The following ATP9A variants were observed in gnomAD, a reference collection of about 807,000 sequenced individuals.
ATP9A encodes the protein ATPase phospholipid transporting 9A, also known as probable phospholipid-transporting ATPase IIA.
Under a neutral mutation model 144.1 loss-of-function variants are expected in ATP9A, and 52 were observed. The observed-to-expected ratio is 0.36, with a 90% confidence interval of 0.29 to 0.45. The LOEUF (loss-of-function observed/expected upper bound fraction) is 0.45, where lower values mean the gene tolerates loss of function less well. ATP9A is among the 20% of genes least tolerant of loss of function. The pLI is 1.00. For missense variants in ATP9A, 947 were observed against 1,392.7 expected (o/e 0.68, Z 5.09); for synonymous variants, 582 against 557.4 (o/e 1.04, Z -0.62).
intron 26 of ATP9A, among the ~76,000 whole-genome samples, chr20:51,606,013 T>TA (rs1281190630): frequency 6.6e-6 from 1 of 152,126 alleles, no homozygotes; most frequent in Non-Finnish European, 1.5e-5. Context: ...CTTACGCCTG[T>TA]AATCCCAACA....
intron 14 of ATP9A, among the ~76,000 whole-genome samples, chr20:51,645,041 T>C (rs1298484105): frequency 6.6e-6 from 1 of 152,168 alleles, no homozygotes; most frequent in African/African-American, 2.4e-5. Flanking sequence ...AGTGGAAACG[T>C]TGAATAACTA....
intron 9 of ATP9A, among the ~76,000 whole-genome samples, chr20:51,676,826 G>C (rs1435442266): frequency 6.6e-6 from 1 of 151,626 alleles, no homozygotes; most frequent in Non-Finnish European, 1.5e-5. Context: ...ACGTTGGCCA[G>C]GCTGGTCTTG....
intron 15 of ATP9A, among the ~76,000 whole-genome samples, chr20:51,632,451 G>T (rs2077273718): frequency 6.6e-6 from 1 of 152,168 alleles, no homozygotes; most frequent in South Asian, 2.1e-4. Context: ...GAGCATTTGG[G>T]TTATATGAAC....
chr20:51,688,743 A>C lies in ATP9A; in HGVS notation c.799+321T>G, dbSNP rs772443364. Among the ~76,000 whole-genome samples the C allele has an allele frequency of 2.6e-5, 4 of 152,042 alleles. 1 individual carries two copies. Among genetic ancestry groups the C allele is most frequent in the South Asian group, 4.1e-4 (2 of 4,820 alleles). On this transcript the variant is annotated intron_variant, in intron 9 of 27. Transcript: ENST00000338821. ...CAGTCCCAGCGCGACATACCCTACAAACACAGCCTCCAGCCAGAACATCCA... is the reference window on the plus strand; with the variant it reads ...CAGTCCCAGCGCGACATACCCTACACACACAGCCTCCAGCCAGAACATCCA...
At chr20:51,757,945 C>A (rs2077863652) in intron 1 of ATP9A, among the ~76,000 whole-genome samples, 2 of 152,052 alleles carry the variant, frequency 1.3e-5, no homozygotes, top group African/African-American at 4.8e-5. Context: ...AACCAACTAT[C>A]CTATTTCTTT....
At chr20:51,677,386 C>T (rs1382640600) in intron 9 of ATP9A, among the ~76,000 whole-genome samples, 2 of 152,310 alleles carry the variant, frequency 1.3e-5, no homozygotes, top group East Asian at 3.9e-4. Flanking sequence ...CTCCCTAGCC[C>T]TGTTTCATGG....
chr20:51,763,586 T>C (rs1021178921), intron 1 of ATP9A, among the ~76,000 whole-genome samples: 19 of 152,200 alleles, frequency 1.2e-4, no homozygotes, highest in Non-Finnish European at 1.9e-4. Context: ...GTGCTGGGAT[T>C]ACAGGAATGA....
At chr20:51,693,958 CCTG>C (rs2077559394) in intron 7 of ATP9A, 47 bp downstream of exon 7, 1 of 1,523,380 alleles carries the variant, frequency 6.6e-7, no homozygotes, top group African/African-American at 1.4e-5. Flanking sequence ...GTTTGAGAAC[CCTG>C]CTAAGATAGG....
intron 18 of ATP9A, 80 bp downstream of exon 18, chr20:51,625,112 C>T (rs2077242634): frequency 7.1e-7 from 1 of 1,417,582 alleles, no homozygotes; most frequent in Admixed American, 1.9e-5. Context: ...CCCACCCTTT[C>T]CCCCTGTGAT....
intron 9 of ATP9A, among the ~76,000 whole-genome samples, chr20:51,682,478 C>T (rs1239086403): frequency 6.6e-6 from 1 of 150,662 alleles, no homozygotes; most frequent in Non-Finnish European, 1.5e-5. Flanking sequence ...TTAACCCCAT[C>T]TTGTTCTCAT....
chr20:51,756,987 T>C (rs2077859308), intron 1 of ATP9A, among the ~76,000 whole-genome samples: 1 of 152,098 alleles, frequency 6.6e-6, no homozygotes, highest in Admixed American at 6.6e-5. Flanking sequence ...TCAGCTTCCT[T>C]AGTCCAGTGG....
intron 4 of ATP9A, among the ~76,000 whole-genome samples, chr20:51,708,522 CCT>C (rs2077624132): frequency 6.6e-6 from 1 of 151,650 alleles, no homozygotes; most frequent in East Asian, 1.9e-4. Flanking sequence ...GTCACTCGAG[CCT>C]AGGAGCTCGA....
chr20:51,751,269 T>TG (rs529483021), intron 1 of ATP9A, among the ~76,000 whole-genome samples: 5 of 148,900 alleles, frequency 3.4e-5, no homozygotes, highest in South Asian at 4.3e-4. Context: ...TTGTTTTTTT[T>TG]TTTTTTTTTT....
intron 4 of ATP9A, among the ~76,000 whole-genome samples, chr20:51,701,463 CAAGT>C (rs895186782): frequency 3.3e-5 from 5 of 152,176 alleles, no homozygotes; most frequent in African/African-American, 1.2e-4. Context: ...TTCCCTTCTG[CAAGT>C]GAGTGCTGAT....
rs1048598172 is a variant in ATP9A, at chr20:51,600,201, C to T, written c.*1010G>A. On this transcript the variant is annotated 3_prime_UTR_variant, in exon 28 of 28. Transcript: ENST00000338821. ...GCCTCTGCCTTTGTGGGGTCATCTT[C>T]CATTATGCCTCCTAACAGGAAACAG... 15 of 152,170 alleles carry T rather than the reference C, an allele frequency of 9.9e-5. No homozygotes were observed. The highest frequency in any genetic ancestry group is 3.6e-4 in the African/African-American group (15 of 41,420). The allele number at this position is 152,170 out of a possible 1,614,324, so 9.4% of individuals were successfully genotyped here.
At chr20:51,687,497 G>A (rs1490601797) in intron 9 of ATP9A, among the ~76,000 whole-genome samples, 1 of 152,180 alleles carries the variant, frequency 6.6e-6, no homozygotes, top group Non-Finnish European at 1.5e-5. Context: ...AAAAGGCAAG[G>A]TGGTTTACAC....
intron 27 of ATP9A, among the ~76,000 whole-genome samples, chr20:51,602,408 G>C (rs1474017115): frequency 6.6e-6 from 1 of 152,186 alleles, no homozygotes; most frequent in Non-Finnish European, 1.5e-5. Context: ...CGGTCCTGTG[G>C]TGTGTCCCTA....
intron 18 of ATP9A, among the ~76,000 whole-genome samples, chr20:51,623,687 C>G (rs1324892431): frequency 6.6e-6 from 1 of 151,046 alleles, no homozygotes; most frequent in Admixed American, 6.6e-5. Context: ...ACTTGGGAGG[C>G]TGAGGCAGGA....
chr20:51,659,147 C>A (rs1247149320), intron 13 of ATP9A, among the ~76,000 whole-genome samples: 3 of 152,132 alleles, frequency 2.0e-5, no homozygotes, highest in East Asian at 1.9e-4. Context: ...ATCATTCAGG[C>A]CTCAATTCAA....
Sources: gnomAD v4.1 joint callset for allele counts (sites outside exome capture counted in the v4.1 genomes callset) on GRCh38, gnomAD v4.1.1 for gene constraint, MANE v1.5 for transcripts, NCBI Gene and HGNC (gene_info 2026-07-23, HGNC 2026-07-21) for gene names.